Variants in GRB10 observed in about 807,000 individuals in gnomAD.
GRB10 encodes growth factor receptor-bound protein 10.
Under a neutral mutation model 80.9 loss-of-function variants are expected in GRB10, and 20 were observed. That is an observed-to-expected ratio of 0.25 (90% CI 0.17 to 0.36). GRB10 has a LOEUF of 0.36. GRB10 is among the 10% of genes least tolerant of loss of function. The pLI, the probability that GRB10 is intolerant of heterozygous loss-of-function variation, is 1.00. For synonymous variants in GRB10, 291 were observed against 291.5 expected (o/e 1.00, Z 0.02); for missense variants, 548 against 747.7 (o/e 0.73, Z 3.12).
chr7:50,719,532 G>C (rs187713926), intron 4 of GRB10, among the ~76,000 whole-genome samples: 1 of 151,594 alleles, frequency 6.6e-6, no homozygotes, highest in Admixed American at 6.6e-5. Flanking sequence ...CGGGGGTAGG[G>C]GGCGAGGGGA....
intron 2 of GRB10, among the ~76,000 whole-genome samples, chr7:50,769,867 C>G (rs955477614): frequency 3.9e-5 from 6 of 152,156 alleles, no homozygotes; most frequent in African/African-American, 1.4e-4. Context: ...TGTTCCAAGG[C>G]ACTCTCGGGT....
chr7:50,628,660 C>T (rs1355057299), intron 7 of GRB10, among the ~76,000 whole-genome samples: 2 of 152,156 alleles, frequency 1.3e-5, no homozygotes, highest in Non-Finnish European at 2.9e-5. Context: ...GGGGACCAGC[C>T]AGGGGAGCCT....
At chr7:50,703,674 G>C (rs934671444) in intron 5 of GRB10, 147 bp downstream of exon 5, 4 of 643,722 alleles carry the variant, frequency 6.2e-6, no homozygotes, top group Non-Finnish European at 8.6e-6. Context: ...TTCTCTATTT[G>C]GGAATTCACT....
intron 5 of GRB10, among the ~76,000 whole-genome samples, chr7:50,681,787 G>C (rs2061567454): frequency 6.6e-6 from 1 of 152,162 alleles, no homozygotes; most frequent in African/African-American, 2.4e-5. Flanking sequence ...ACGTTTCACG[G>C]GGGCTGCACC....
At chr7:50,689,674 C>T (rs993753879) in intron 5 of GRB10, among the ~76,000 whole-genome samples, 3 of 152,086 alleles carry the variant, frequency 2.0e-5, no homozygotes, top group African/African-American at 7.2e-5. Context: ...AAGAAACTAA[C>T]ATTTTTGAGG....
At chr7:50,769,226 AC>A (rs2076713571) in intron 2 of GRB10, among the ~76,000 whole-genome samples, 2 of 152,208 alleles carry the variant, frequency 1.3e-5, no homozygotes. Flanking sequence ...AAGAGTCACA[AC>A]AATCGAATTT....
chr7:50,777,458 A>ACACACACACC (rs1007957773), intron 2 of GRB10, among the ~76,000 whole-genome samples: 30 of 150,034 alleles, frequency 2.0e-4, no homozygotes, highest in African/African-American at 6.8e-4. Context: ...ACACACACAC[A>ACACACACACC]CCATTGCACA....
intron 7 of GRB10, among the ~76,000 whole-genome samples, chr7:50,644,744 C>G (rs58587127): frequency 0.39 from 58,846 of 152,016 alleles, 11,942 homozygotes; most frequent in Middle Eastern, 0.53. Flanking sequence ...CTCTACACAG[C>G]CCACTGGGCC....
chr7:50,757,889 T>C (rs896315353), intron 2 of GRB10, among the ~76,000 whole-genome samples: 5 of 152,256 alleles, frequency 3.3e-5, no homozygotes, highest in Non-Finnish European at 7.3e-5. Context: ...TTCAGGCATG[T>C]GGCTTCAAAT....
intron 7 of GRB10, among the ~76,000 whole-genome samples, chr7:50,655,195 T>A (rs1226708424): frequency 6.6e-6 from 1 of 152,208 alleles, no homozygotes; most frequent in Admixed American, 6.5e-5. Context: ...TGTGTCCCCC[T>A]GGGTGCCACA....
chr7:50,717,590 T>C (rs2067059532), intron 4 of GRB10, among the ~76,000 whole-genome samples: 1 of 152,264 alleles, frequency 6.6e-6, no homozygotes, highest in Non-Finnish European at 1.5e-5. Flanking sequence ...TCTACAGATA[T>C]GACAACAGGC....
chr7:50,608,119 C>T (rs1198593622), intron 13 of GRB10, among the ~76,000 whole-genome samples: 2 of 152,138 alleles, frequency 1.3e-5, no homozygotes, highest in Admixed American at 6.5e-5. Context: ...GACAAAAAGA[C>T]GTCAAGCTAC....
At chr7:50,770,958 G>A (rs770810390) in intron 2 of GRB10, among the ~76,000 whole-genome samples, 3 of 152,006 alleles carry the variant, frequency 2.0e-5, no homozygotes, top group Admixed American at 6.5e-5. Context: ...GTGTCAAGGC[G>A]CCCTAGGACC....
intron 7 of GRB10, among the ~76,000 whole-genome samples, chr7:50,656,053 C>T (rs1300623956): frequency 2.0e-5 from 3 of 152,110 alleles, no homozygotes; most frequent in Non-Finnish European, 4.4e-5. Context: ...AGCCTCAGAC[C>T]CCAGCACCCA....
chr7:50,595,012 C>T (rs2046387697), intron 18 of GRB10, among the ~76,000 whole-genome samples: 1 of 152,202 alleles, frequency 6.6e-6, no homozygotes, highest in South Asian at 2.1e-4. Context: ...TGCACAACTC[C>T]TGCCTTCCAG....
chr7:50,666,455 G>C (rs1331751794), intron 7 of GRB10, among the ~76,000 whole-genome samples: 1 of 152,104 alleles, frequency 6.6e-6, no homozygotes, highest in Non-Finnish European at 1.5e-5. Flanking sequence ...CTTTCATCAA[G>C]TCCCATTGGC....
intron 5 of GRB10, among the ~76,000 whole-genome samples, chr7:50,681,372 A>C (rs913886584): frequency 6.6e-6 from 1 of 152,232 alleles, no homozygotes; most frequent in Non-Finnish European, 1.5e-5. Context: ...AAGCTGCTCC[A>C]GTCTTCCGGC....
chr7:50,751,179 G>A (rs1016807951), intron 3 of GRB10, among the ~76,000 whole-genome samples: 6 of 152,092 alleles, frequency 3.9e-5, no homozygotes, highest in African/African-American at 1.4e-4. Context: ...CAGACTCCAG[G>A]TAGACCCACA....
intron 2 of GRB10, chr7:50,779,622 G>T (rs916322450): frequency 6.6e-6 from 1 of 152,074 alleles, no homozygotes; most frequent in Non-Finnish European, 1.5e-5. Context: ...GGGGTCCCTT[G>T]TCAAAAGCCA....
Sources: gnomAD v4.1 joint callset for allele counts (sites outside exome capture counted in the v4.1 genomes callset) on GRCh38, gnomAD v4.1.1 for gene constraint, MANE v1.5 for transcripts, NCBI Gene and HGNC (gene_info 2026-07-23, HGNC 2026-07-21) for gene names.